Variants in AP4E1 observed in about 807,000 individuals in gnomAD.
AP4E1 encodes AP-4 complex subunit epsilon-1.
AP4E1 carries 56 observed loss-of-function variants against 128.2 expected under a neutral mutation model. The observed-to-expected ratio is 0.44, with a 90% CI of 0.35 to 0.55. The LOEUF (loss-of-function observed/expected upper bound fraction) is 0.55, where lower values mean the gene tolerates loss of function less well. AP4E1 is among the 20% of genes least tolerant of loss of function. AP4E1 has a pLI of 0.00. For missense variants in AP4E1, 1,324 were observed against 1,307.7 expected, an observed-to-expected ratio of 1.01 and a Z score of -0.19; for synonymous variants, 484 against 473.1, an observed-to-expected ratio of 1.02 and a Z score of -0.30.
chr15:50,941,259 G>A (rs2063982710), intron 8 of AP4E1, among the ~76,000 whole-genome samples, 183 bp from the exon 9 acceptor site: 1 of 152,082 alleles, frequency 6.6e-6, no homozygotes, highest in Admixed American at 6.6e-5. Flanking sequence ...TTGTATTGTG[G>A]TAACCTAATC....
intron 2 of AP4E1, among the ~76,000 whole-genome samples, chr15:50,913,134 C>T (rs897005444): frequency 1.3e-5 from 2 of 152,154 alleles, no homozygotes; most frequent in Admixed American, 6.5e-5. Context: ...TTGAATAACA[C>T]TTGTAAAGTC....
Position 50,997,474 on chromosome 15 carries a change from C to T in AP4E1, c.2495C>T (p.Ser832Leu), listed in dbSNP as rs144189610. 2.9e-5 allele frequency: 47 copies of T among 1,613,954 alleles called. No individual in the cohort carries two copies. Among genetic ancestry groups the T allele is most frequent in the East Asian group, 1.1e-4 (5 of 44,844 alleles). Residue 832 changes from serine to leucine, a missense_variant, in exon 18 of 21, where the codon TCG becomes TTG. By Grantham distance (145) the Ser-to-Leu change is moderately radical. Coordinates refer to ENST00000261842, the MANE Select transcript of AP4E1 (RefSeq NM_007347.5). Reference sequence around the variant, plus strand: ...GTGGCATATGAAGATGATTATTATTCGAATACTTTGCACGATACAGGAGAC... The same window carrying T: ...GTGGCATATGAAGATGATTATTATTTGAATACTTTGCACGATACAGGAGAC... The part of the protein sequence containing the change: ...SNVAYEDDYY[S>L]NTLHDTGDKE...
intron 10 of AP4E1, among the ~76,000 whole-genome samples, chr15:50,947,104 A>G (rs2064072678): frequency 6.6e-6 from 1 of 152,020 alleles, no homozygotes; most frequent in Non-Finnish European, 1.5e-5. Context: ...TCAAGAAAAA[A>G]AAGAAAAGAA....
rs1208373886 is a variant in AP4E1, at chr15:50,908,695, G to A, written c.-84G>A. ...TCAAAAAACAGGAAGTGCCTACGGA[G>A]GCCGGGCCGGCAGCGGCGGCCGGGC... On this transcript the variant is annotated 5_prime_UTR_variant, in exon 1 of 21. Coordinates refer to ENST00000261842, the MANE Select transcript of AP4E1 (RefSeq NM_007347.5). 4 of 1,367,872 alleles carry A rather than the reference G, an allele frequency of 2.9e-6. No individual in the cohort carries two copies. The highest frequency in any genetic ancestry group is 3.8e-6 in the Non-Finnish European group (4 of 1,056,212). 84.7% of individuals were successfully genotyped at this position (1,367,872 alleles called of 1,614,324 possible). A position where few individuals can be genotyped will look rare whatever the true frequency, so the allele number is the denominator to read the frequency against.
intron 14 of AP4E1, among the ~76,000 whole-genome samples, chr15:50,962,452 A>G (rs536961258): frequency 2.6e-5 from 4 of 152,126 alleles, no homozygotes; most frequent in African/African-American, 9.6e-5. Flanking sequence ...AAAACCGTGT[A>G]TTTACGACTA....
intron 4 of AP4E1, 100 bp from the exon 5 acceptor site, chr15:50,924,998 C>T: frequency 7.3e-7 from 1 of 1,367,380 alleles, no homozygotes; most frequent in Non-Finnish European, 1.0e-6. Flanking sequence ...TTATAAATAG[C>T]ACAAAATTAC....
intron 1 of AP4E1, among the ~76,000 whole-genome samples, chr15:50,911,666 C>CA (rs1555453156): frequency 1.3e-5 from 2 of 151,546 alleles, no homozygotes; most frequent in Non-Finnish European, 2.9e-5. Context: ...TTAGTAGGGA[C>CA]GGGGTTTTGC....
At chr15:50,968,169 A>G (rs2064420063) in intron 14 of AP4E1, 94 bp from the exon 15 acceptor site, 1 of 897,602 alleles carries the variant, frequency 1.1e-6, no homozygotes, top group Non-Finnish European at 1.7e-6. Context: ...TAGAATTTTA[A>G]AAAATATATA....
intron 6 of AP4E1, 62 bp from the exon 7 acceptor site, chr15:50,930,743 A>G (rs573602757): frequency 1.6e-5 from 25 of 1,521,360 alleles, no homozygotes; most frequent in Admixed American, 8.4e-5. Flanking sequence ...TGACATTTCA[A>G]TTAGGTCTAT....
intron 8 of AP4E1, among the ~76,000 whole-genome samples, chr15:50,939,814 A>G (rs1349134064): frequency 3.3e-5 from 5 of 152,196 alleles, no homozygotes; most frequent in Non-Finnish European, 5.9e-5. Flanking sequence ...GTTATGTTGG[A>G]AAATGGAATA....
chr15:50,926,972 A>T (rs961782638), intron 5 of AP4E1, among the ~76,000 whole-genome samples: 5 of 152,262 alleles, frequency 3.3e-5, no homozygotes, highest in Non-Finnish European at 7.3e-5. Context: ...GAATAACTTC[A>T]TAGGTCTTTC....
intron 11 of AP4E1, among the ~76,000 whole-genome samples, chr15:50,948,408 G>T (rs2064094775): frequency 6.7e-6 from 1 of 149,900 alleles, no homozygotes; most frequent in Non-Finnish European, 1.5e-5. Flanking sequence ...GAAGATAGAG[G>T]AACCTTTATC....
upstream of AP4E1, chr15:50,908,511 C>T (rs996717853): frequency 1.0e-5 from 4 of 388,160 alleles, no homozygotes; most frequent in Admixed American, 9.7e-5. Flanking sequence ...CTGGGGGATT[C>T]CGGAACCGCT....
At chr15:50,936,742 T>C (rs755615886) in intron 8 of AP4E1, among the ~76,000 whole-genome samples, 4 of 152,176 alleles carry the variant, frequency 2.6e-5, no homozygotes, top group Non-Finnish European at 4.4e-5. Context: ...AAGACCAACC[T>C]GGCCAATATG....
intron 15 of AP4E1, among the ~76,000 whole-genome samples, chr15:50,971,066 T>C (rs2064470657): frequency 6.6e-6 from 1 of 152,174 alleles, no homozygotes; most frequent in Non-Finnish European, 1.5e-5. Flanking sequence ...TTGAATGTTT[T>C]CATAATGGTA....
chr15:50,924,372 A>C (rs1419867141), intron 4 of AP4E1, among the ~76,000 whole-genome samples: 3 of 152,156 alleles, frequency 2.0e-5, no homozygotes, highest in African/African-American at 7.2e-5. Flanking sequence ...AACTGGGTAA[A>C]TGAAGTCTTT....
intron 15 of AP4E1, among the ~76,000 whole-genome samples, chr15:50,969,433 G>A (rs150440294): frequency 5.0e-4 from 76 of 152,224 alleles, no homozygotes; most frequent in Non-Finnish European, 9.0e-4. Context: ...GAGCATATCT[G>A]TGGAAAAGTT....
Position 50,950,179 on chromosome 15 carries a change from G to C in AP4E1, c.1548+10G>C, listed in dbSNP as rs2064129895. 6.6e-7 allele frequency: 1 copy of C among 1,525,020 alleles called. No individual in the cohort carries two copies. Among genetic ancestry groups the C allele is most frequent in the Non-Finnish European group, 9.1e-7 (1 of 1,101,686 alleles). 94.5% of individuals were successfully genotyped at this position (1,525,020 alleles called of 1,614,324 possible). On this transcript the variant is annotated intron_variant, in intron 13 of 20. Transcript: ENST00000261842. ...TCAAGTTATGAGTTGGGTGAGCAAA[G>C]TACCTTAAATCATAAATTTTTATAA...
intron 10 of AP4E1, 21 bp downstream of exon 10, chr15:50,941,796 G>A (rs750479747): frequency 6.3e-7 from 1 of 1,577,224 alleles, no homozygotes. Context: ...ATTTTGAATA[G>A]TATATGTGAA....
Sources: gnomAD v4.1 joint callset for allele counts (sites outside exome capture counted in the v4.1 genomes callset) on GRCh38, gnomAD v4.1.1 for gene constraint, MANE v1.5 for transcripts, NCBI Gene and HGNC (gene_info 2026-07-23, HGNC 2026-07-21) for gene names.